Variants in C10orf90 observed in about 807,000 individuals in gnomAD.
The protein encoded by C10orf90 is chromosome 10 open reading frame 90.
A neutral mutation model predicts 62.5 loss-of-function variants in C10orf90; 56 were observed. The observed-to-expected ratio is 0.90, with a 90% CI of 0.72 to 1.12. C10orf90 has a LOEUF of 1.12. C10orf90 is among the 50% of genes most tolerant of loss of function. The pLI is 0.00. For missense variants in C10orf90, 970 were observed against 880.4 expected (o/e 1.10, Z -1.29); for synonymous variants, 386 against 340.4 (o/e 1.13, Z -1.47).
At chr10:126,548,775 C>G (rs1226827155) in intron 2 of C10orf90, among the ~76,000 whole-genome samples, 2 of 149,342 alleles carry the variant, frequency 1.3e-5, no homozygotes, top group African/African-American at 5.0e-5. Context: ...CGGAGTCTCA[C>G]TCTGTCGCCC....
chr10:126,636,692 C>T (rs943332212), intron 2 of C10orf90, among the ~76,000 whole-genome samples: 3 of 152,134 alleles, frequency 2.0e-5, no homozygotes, highest in African/African-American at 7.2e-5. Flanking sequence ...ACATTTAATT[C>T]CTTGTGTCAC....
chr10:126,508,796 G>T (rs1427465794), intron 3 of C10orf90, among the ~76,000 whole-genome samples: 1 of 152,150 alleles, frequency 6.6e-6, no homozygotes, highest in Admixed American at 6.5e-5. Context: ...AGGCTTCCTC[G>T]TACTGTGGTC....
At chr10:126,538,226 A>G (rs1864287786) in intron 2 of C10orf90, among the ~76,000 whole-genome samples, 1 of 152,278 alleles carries the variant, frequency 6.6e-6, no homozygotes, top group East Asian at 1.9e-4. Flanking sequence ...AGATCTTATG[A>G]GACTTACTAA....
chr10:126,441,056 G>A (rs978192782), intron 7 of C10orf90, among the ~76,000 whole-genome samples: 3 of 152,110 alleles, frequency 2.0e-5, no homozygotes, highest in African/African-American at 4.8e-5. Flanking sequence ...TCTGAAAAAA[G>A]AATTCAGGAG....
intron 7 of C10orf90, among the ~76,000 whole-genome samples, chr10:126,450,761 G>T (rs140830965): frequency 0.019 from 2,914 of 152,244 alleles, 46 homozygotes; most frequent in Middle Eastern, 0.041. Context: ...CAGAGGAAAA[G>T]CTCTGTGGCA....
At chr10:126,451,168 T>C (rs947217922) in intron 7 of C10orf90, among the ~76,000 whole-genome samples, 3 of 152,152 alleles carry the variant, frequency 2.0e-5, no homozygotes, top group Non-Finnish European at 4.4e-5. Context: ...AGTATGGCTA[T>C]TATCAAAGAC....
chr10:126,642,486 C>T (rs564610998), intron 2 of C10orf90, among the ~76,000 whole-genome samples: 273 of 152,044 alleles, frequency 1.8e-3, no homozygotes, highest in African/African-American at 5.5e-3. Flanking sequence ...AAGCCCAGAT[C>T]GCGCCACTGC....
intron 2 of C10orf90, among the ~76,000 whole-genome samples, chr10:126,555,129 T>C (rs1393498005): frequency 6.6e-6 from 1 of 152,154 alleles, no homozygotes; most frequent in Non-Finnish European, 1.5e-5. Flanking sequence ...GCAAGTTCAA[T>C]AAGGAAGGTG....
intron 4 of C10orf90, among the ~76,000 whole-genome samples, chr10:126,465,338 T>G (rs571685668): frequency 2.2e-4 from 34 of 152,050 alleles, no homozygotes; most frequent in African/African-American, 7.5e-4. Context: ...AATGGACTAA[T>G]ATTAAATTAT....
At chr10:126,582,986 T>C (rs1844784288) in intron 2 of C10orf90, among the ~76,000 whole-genome samples, 1 of 152,230 alleles carries the variant, frequency 6.6e-6, no homozygotes, top group South Asian at 2.1e-4. Context: ...GATATTTGGT[T>C]CTGGATAATT....
chr10:126,476,309 G>A (rs1860863306), intron 4 of C10orf90, among the ~76,000 whole-genome samples: 2 of 152,174 alleles, frequency 1.3e-5, no homozygotes, highest in African/African-American at 4.8e-5. Flanking sequence ...TTCTCAGCTG[G>A]AAACACGTGG....
intron 2 of C10orf90, among the ~76,000 whole-genome samples, chr10:126,538,530 G>A (rs1864299027): frequency 6.6e-6 from 1 of 152,212 alleles, no homozygotes; most frequent in Non-Finnish European, 1.5e-5. Flanking sequence ...GCTGCCAAGT[G>A]CATGGTGCTT....
chr10:126,519,184 G>A (rs1161494273), intron 2 of C10orf90, among the ~76,000 whole-genome samples: 1 of 152,156 alleles, frequency 6.6e-6, no homozygotes, highest in Non-Finnish European at 1.5e-5. Context: ...AGTGGAGAGG[G>A]ATGGTGGCAT....
Position 126,620,350 on chromosome 10 carries a change from A to T in C10orf90, c.313+26215T>A, listed in dbSNP as rs1334036405. Among the ~76,000 whole-genome samples, 4 of 152,244 alleles carry T rather than the reference A, an allele frequency of 2.6e-5. No individual in the cohort carries two copies. The South Asian group carries it at 6.2e-4, about 24-fold the overall frequency. ...CATTGCTGTGGCCCCTGTGCCACAC[A>T]CCGGGTGACTACACCTGCAAGTCTG... On this transcript the variant is annotated intron_variant, in intron 2 of 9. Transcript: ENST00000488181.
intron 2 of C10orf90, chr10:126,520,935 A>T: frequency 5.6e-6 from 1 of 178,796 alleles, no homozygotes; most frequent in Non-Finnish European, 1.2e-5. Context: ...CTCCAGTGTG[A>T]CCTCATCTTA....
At chr10:126,474,835 T>C (rs1860768636) in intron 4 of C10orf90, among the ~76,000 whole-genome samples, 1 of 152,248 alleles carries the variant, frequency 6.6e-6, no homozygotes, top group Non-Finnish European at 1.5e-5. Flanking sequence ...GATTCCACTC[T>C]GATGGGGCTT....
At chr10:126,512,353 TG>T in intron 3 of C10orf90, among the ~76,000 whole-genome samples, 1 of 8,930 alleles carries the variant, frequency 1.1e-4, no homozygotes, top group Non-Finnish European at 2.2e-4. Flanking sequence ...TGTGTGTCTG[TG>T]TGTGTGTGTA....
intron 2 of C10orf90, among the ~76,000 whole-genome samples, chr10:126,607,216 G>A (rs904705183): frequency 1.3e-5 from 2 of 152,156 alleles, no homozygotes; most frequent in Non-Finnish European, 2.9e-5. Context: ...GAGGAAGCCA[G>A]GAAAAGTGTT....
chr10:126,440,788 A>G (rs991067794), intron 7 of C10orf90, among the ~76,000 whole-genome samples: 61 of 152,254 alleles, frequency 4.0e-4, no homozygotes, highest in African/African-American at 1.5e-3. Context: ...CAGAAGAGAG[A>G]TAACAATCAC....
Sources: gnomAD v4.1 joint callset for allele counts (sites outside exome capture counted in the v4.1 genomes callset) on GRCh38, gnomAD v4.1.1 for gene constraint, MANE v1.5 for transcripts, NCBI Gene and HGNC (gene_info 2026-07-23, HGNC 2026-07-21) for gene names.